Variants in PACRG observed in about 807,000 individuals in gnomAD.
PACRG encodes parkin coregulated gene protein.
In PACRG, 29 loss-of-function variants were observed where a neutral mutation model predicts 29.7. The observed-to-expected ratio is 0.98, with a 90% CI of 0.73 to 1.33. The LOEUF is 1.33. Among genes scored for constraint, PACRG ranks in the 40% most tolerant of loss-of-function variants. The pLI is 0.00. For synonymous variants in PACRG, 116 were observed against 118.7 expected, an observed-to-expected ratio of 0.98 and a Z score of 0.15; for missense variants, 279 against 316.2, an observed-to-expected ratio of 0.88 and a Z score of 0.89.
At chr6:162,803,405 G>C (rs186314228) in intron 1 of PACRG, among the ~76,000 whole-genome samples, 2 of 152,176 alleles carry the variant, frequency 1.3e-5, no homozygotes, top group Admixed American at 1.3e-4. Context: ...GTGTGTCAAT[G>C]GGAAATCATT....
chr6:162,740,301 G>A (rs1371671653), intron 1 of PACRG, among the ~76,000 whole-genome samples: 4 of 150,938 alleles, frequency 2.7e-5, no homozygotes, highest in Middle Eastern at 3.4e-3. Flanking sequence ...CAATTTGTGG[G>A]ACAATATCAA....
intron 2 of PACRG, among the ~76,000 whole-genome samples, chr6:163,028,711 ACT>A (rs1254992107): frequency 1.3e-5 from 2 of 152,172 alleles, no homozygotes; most frequent in East Asian, 3.9e-4. Context: ...TTAATACGAA[ACT>A]CTAAATCTTA....
chr6:163,080,832 A>G (rs935682595), intron 3 of PACRG, among the ~76,000 whole-genome samples: 1 of 152,204 alleles, frequency 6.6e-6, no homozygotes, highest in Non-Finnish European at 1.5e-5. Flanking sequence ...TGGTATTTAT[A>G]TATTTTACAT....
intron 4 of PACRG, among the ~76,000 whole-genome samples, chr6:163,188,183 G>T (rs1286392677): frequency 2.0e-5 from 3 of 152,150 alleles, no homozygotes; most frequent in Non-Finnish European, 4.4e-5. Context: ...CATCGGGGAG[G>T]CAGGAGCCCC....
intron 4 of PACRG, among the ~76,000 whole-genome samples, chr6:163,177,207 TAG>T (rs1779404143): frequency 6.6e-6 from 1 of 152,044 alleles, no homozygotes; most frequent in African/African-American, 2.4e-5. Context: ...CCCAGGGAGA[TAG>T]AGACAGACAG....
intron 2 of PACRG, chr6:163,044,594 A>G (rs928801121): frequency 6.6e-6 from 1 of 152,122 alleles, no homozygotes; most frequent in African/African-American, 2.4e-5. Context: ...TGATGGAAGT[A>G]TTTACAAAGG....
chr6:163,300,834 G>A (rs13192239), intron 4 of PACRG, among the ~76,000 whole-genome samples: 2,561 of 70,632 alleles, frequency 0.036, 16 homozygotes, highest in African/African-American at 0.077. Flanking sequence ...CACGTCCACT[G>A]CTTCCTCTCG....
At chr6:162,858,357 G>A (rs138119275) in intron 2 of PACRG, among the ~76,000 whole-genome samples, 2 of 152,188 alleles carry the variant, frequency 1.3e-5, no homozygotes, top group East Asian at 3.9e-4. Flanking sequence ...TCGCTATTAT[G>A]AGAACAGCAT....
At position 163,315,327 on chromosome 6, in the gene PACRG, T is replaced by C. The variant is rs577517363; in HGVS notation, c.*340T>C. On this transcript the variant is annotated 3_prime_UTR_variant, in exon 5 of 5. Coordinates refer to ENST00000366888, the MANE Select transcript of PACRG (RefSeq NM_001080379.2). ...TCATATGCAATTCAGCAATTGCTGT[T>C]CTGTGTGTGCCTGCCCTGGGGGTGA... 10 of 184,196 alleles carry C rather than the reference T, an allele frequency of 5.4e-5. No homozygotes were observed. The South Asian group carries it at 1.4e-3, about 25-fold the overall frequency. 11.4% of individuals were successfully genotyped at this position (184,196 alleles called of 1,614,324 possible). A position where few individuals can be genotyped will look rare whatever the true frequency, so the allele number is the denominator to read the frequency against.
At chr6:162,841,432 G>A (rs534630468) in intron 2 of PACRG, among the ~76,000 whole-genome samples, 34 of 151,912 alleles carry the variant, frequency 2.2e-4, no homozygotes, top group African/African-American at 3.9e-4. Flanking sequence ...CTGTGGGATC[G>A]GTGGTGATAT....
chr6:162,914,881 T>C lies in PACRG; in HGVS notation c.291+100600T>C, dbSNP rs114987476. Among the ~76,000 whole-genome samples the C allele has an allele frequency of 9.8e-3, 1,491 of 152,186 alleles. 24 individuals are homozygous for C. Among genetic ancestry groups the C allele is most frequent in the African/African-American group, 0.034 (1,402 of 41,574 alleles). ...TAGTATATAAGAATATAAATAATTT[T>C]GTAAAAATCTTGCATCTTGCAGATT... is the stretch of plus-strand genomic sequence containing the variant. On this transcript the variant is annotated intron_variant, in intron 2 of 4. Coordinates refer to ENST00000366888, the MANE Select transcript of PACRG (RefSeq NM_001080379.2).
chr6:163,289,268 T>C (rs1365000712), intron 4 of PACRG, among the ~76,000 whole-genome samples: 2 of 152,238 alleles, frequency 1.3e-5, no homozygotes, highest in Admixed American at 6.5e-5. Flanking sequence ...TTTAGTTTAC[T>C]GGCTCTCCTG....
intron 4 of PACRG, among the ~76,000 whole-genome samples, chr6:163,108,631 C>T (rs1815533664): frequency 6.6e-6 from 1 of 151,940 alleles, no homozygotes; most frequent in South Asian, 2.1e-4. Context: ...TCAAGTGATC[C>T]ACCCACCTCA....
chr6:163,301,588 T>C (rs1270745177), intron 4 of PACRG, among the ~76,000 whole-genome samples: 2 of 152,194 alleles, frequency 1.3e-5, no homozygotes, highest in African/African-American at 4.8e-5. Context: ...GCAGTTGCTC[T>C]TTAAAAGTGT....
intron 1 of PACRG, among the ~76,000 whole-genome samples, chr6:162,787,580 G>GTATCTATATATATATATATATATATA (rs746185048): frequency 1.4e-5 from 1 of 69,176 alleles, no homozygotes; most frequent in Admixed American, 1.6e-4. Flanking sequence ...GTGTGTGTGT[G>GTATCTATATATATATATATATATATA]TGTATATATA....
chr6:162,924,072 A>G (rs1488112056), intron 2 of PACRG, among the ~76,000 whole-genome samples: 1 of 151,858 alleles, frequency 6.6e-6, no homozygotes, highest in Non-Finnish European at 1.5e-5. Context: ...TTCCGCCAGT[A>G]TTTTGTAGTT....
At chr6:163,125,536 C>G (rs1048650564) in intron 4 of PACRG, among the ~76,000 whole-genome samples, 2 of 152,106 alleles carry the variant, frequency 1.3e-5, no homozygotes, top group African/African-American at 4.8e-5. Context: ...CTATGAAAGA[C>G]CCCTAAATAG....
chr6:163,074,641 T>C (rs1812376083), intron 3 of PACRG, among the ~76,000 whole-genome samples: 2 of 108,068 alleles, frequency 1.9e-5, no homozygotes, highest in Non-Finnish European at 3.4e-5. Flanking sequence ...ACACATTGCA[T>C]GCCTGTAACA....
At chr6:163,066,337 C>T (rs968645365) in intron 3 of PACRG, among the ~76,000 whole-genome samples, 4 of 152,164 alleles carry the variant, frequency 2.6e-5, no homozygotes, top group Non-Finnish European at 4.4e-5. Context: ...ACACTGTGGA[C>T]GCAGTGACTG....
Sources: gnomAD v4.1 joint callset for allele counts (sites outside exome capture counted in the v4.1 genomes callset) on GRCh38, gnomAD v4.1.1 for gene constraint, MANE v1.5 for transcripts, NCBI Gene and HGNC (gene_info 2026-07-23, HGNC 2026-07-21) for gene names.